Variants in SPP2 observed in about 807,000 individuals in gnomAD.
SPP2 encodes secreted phosphoprotein 24.
Under a neutral mutation model 28.8 loss-of-function variants are expected in SPP2, and 34 were observed. The ratio of observed to expected loss-of-function variants is 1.18; its 90% confidence interval spans 0.90 to 1.57. SPP2 has a LOEUF of 1.57. Ranked by LOEUF, SPP2 falls within the 40% of genes most tolerant of loss-of-function variation. The probability of loss-of-function intolerance (pLI) is 0.00; values close to 1 mark genes in which losing one functional copy is unlikely to be tolerated. For missense variants in SPP2, 269 were observed against 263.9 expected (o/e 1.02, Z -0.13); for synonymous variants, 96 against 89.4 (o/e 1.07, Z -0.42).
intron 7 of SPP2, among the ~76,000 whole-genome samples, chr2:234,072,246 T>C (rs1288919288): frequency 6.6e-6 from 1 of 152,206 alleles, no homozygotes; most frequent in Non-Finnish European, 1.5e-5. Context: ...TGAGGCCTTC[T>C]TGGATGAAAG....
At chr2:234,065,387 G>A (rs1693797015) in intron 4 of SPP2, among the ~76,000 whole-genome samples, 1 of 152,052 alleles carries the variant, frequency 6.6e-6, no homozygotes, top group Non-Finnish European at 1.5e-5. Flanking sequence ...TCAAGCAATT[G>A]TAGTGCCTCA....
intron 2 of SPP2, among the ~76,000 whole-genome samples, chr2:234,052,895 T>C (rs1183960159): frequency 6.6e-6 from 1 of 152,224 alleles, no homozygotes; most frequent in Non-Finnish European, 1.5e-5. Flanking sequence ...ATGTTGTGTG[T>C]ATTAACCATG....
chr2:234,065,224 G>C (rs1023366853), intron 4 of SPP2, among the ~76,000 whole-genome samples: 8 of 152,074 alleles, frequency 5.3e-5, no homozygotes, highest in African/African-American at 1.9e-4. Flanking sequence ...AGTTCTTGTT[G>C]GTGCCTGTCT....
intron 5 of SPP2, 98 bp from the exon 6 acceptor site, chr2:234,067,126 T>A: frequency 8.6e-7 from 1 of 1,164,130 alleles, no homozygotes; most frequent in Non-Finnish European, 1.3e-6. Context: ...TCACTGCTTC[T>A]TTGCTTAAGA....
At chr2:234,068,692 G>C (rs1393570531) in intron 6 of SPP2, among the ~76,000 whole-genome samples, 5 of 146,582 alleles carry the variant, frequency 3.4e-5, no homozygotes, top group Non-Finnish European at 6.0e-5. Context: ...ATTGCCTTCA[G>C]AATCCATGGC....
chr2:234,055,310 A>G (rs1456406188), intron 2 of SPP2, among the ~76,000 whole-genome samples: 1 of 152,242 alleles, frequency 6.6e-6, no homozygotes, highest in Non-Finnish European at 1.5e-5. Flanking sequence ...CTGCTGGCAG[A>G]ATTCCTTTCT....
In SPP2 at chr2:234,059,640, C is replaced by T. The variant is rs555865417; in HGVS notation, c.333+682C>T. On this transcript the variant is annotated intron_variant, in intron 3 of 7. Coordinates refer to ENST00000168148, the MANE Select transcript of SPP2 (RefSeq NM_006944.3). Reference sequence around the variant, plus strand: ...AGACAGTGGATCCCTGTGCCATTACCTCCCAGATCCAGGGCTTACATACTG... The same window carrying T: ...AGACAGTGGATCCCTGTGCCATTACTTCCCAGATCCAGGGCTTACATACTG... 1.9e-3 allele frequency among the ~76,000 whole-genome samples: 293 copies of T among 152,308 alleles called. 2 individuals carry two copies. Among genetic ancestry groups the T allele is most frequent in the African/African-American group, 6.7e-3 (280 of 41,548 alleles).
intron 4 of SPP2, among the ~76,000 whole-genome samples, chr2:234,061,044 G>T (rs748372601): frequency 1.8e-4 from 28 of 152,108 alleles, no homozygotes; most frequent in Non-Finnish European, 4.4e-5. Context: ...CACCTTATAG[G>T]TTGTTGAGAA....
intron 4 of SPP2, among the ~76,000 whole-genome samples, chr2:234,061,719 T>A (rs1023894187): frequency 6.6e-6 from 1 of 152,248 alleles, no homozygotes; most frequent in Non-Finnish European, 1.5e-5. Flanking sequence ...AACTAATGAC[T>A]GAGACACTCC....
intron 2 of SPP2, among the ~76,000 whole-genome samples, chr2:234,056,573 C>T (rs1184883749): frequency 6.6e-6 from 1 of 152,186 alleles, no homozygotes; most frequent in African/African-American, 2.4e-5. Flanking sequence ...CCAAAAAACT[C>T]ACATTTTCAT....
chr2:234,067,949 TA>T (rs1559177475), intron 6 of SPP2, among the ~76,000 whole-genome samples: 1 of 152,136 alleles, frequency 6.6e-6, no homozygotes, highest in Non-Finnish European at 1.5e-5. Context: ...ATTTAATTTT[TA>T]TGGGTACATA....
chr2:234,058,170 C>G (rs948673497), intron 2 of SPP2, among the ~76,000 whole-genome samples: 8 of 152,176 alleles, frequency 5.3e-5, no homozygotes, highest in African/African-American at 1.4e-4. Flanking sequence ...CTGAACAAAG[C>G]TTACCTTACT....
In SPP2 at chr2:234,050,843, T is replaced by A; in HGVS notation, c.57T>A (p.Ala19=). The A allele has an allele frequency of 6.2e-7, 1 of 1,614,090 alleles. No individual in the cohort carries two copies. The highest frequency in any genetic ancestry group is 8.5e-7 in the Non-Finnish European group (1 of 1,179,946). ...TGATGAAGATATTGATTATGTTTGCTCTTGGAATGAACTACTGGTCTTGCT... is the reference window on the plus strand; with the variant it reads ...TGATGAAGATATTGATTATGTTTGCACTTGGAATGAACTACTGGTCTTGCT... ...TMMMKILIMF[A]LGMNYWSCSG... Residue 19 remains alanine, a synonymous_variant, in exon 1 of 8, where the codon GCT becomes GCA. Coordinates refer to ENST00000168148, the MANE Select transcript of SPP2 (RefSeq NM_006944.3).
chr2:234,066,957 C>G (rs529325262), intron 5 of SPP2, among the ~76,000 whole-genome samples: 1 of 152,186 alleles, frequency 6.6e-6, no homozygotes, highest in Admixed American at 6.5e-5. Flanking sequence ...ACAACTAGAT[C>G]TGATCATCTC....
chr2:234,057,497 AC>A (rs1206155276), intron 2 of SPP2, among the ~76,000 whole-genome samples: 1 of 151,850 alleles, frequency 6.6e-6, no homozygotes, highest in East Asian at 1.9e-4. Flanking sequence ...TCCTTCCCTC[AC>A]CCCCATTGCC....
At chr2:234,065,047 C>G (rs556716058) in intron 4 of SPP2, among the ~76,000 whole-genome samples, 1 of 152,188 alleles carries the variant, frequency 6.6e-6, no homozygotes, top group Non-Finnish European at 1.5e-5. Context: ...ATTTAATTCT[C>G]TTGGAAACAG....
chr2:234,051,054 AG>A lies in SPP2; in HGVS notation c.170del (p.Ser57IlefsTer12), dbSNP rs1693483159. The A allele has an allele frequency of 6.2e-7, 1 of 1,613,914 alleles. No individual in the cohort carries two copies. Among genetic ancestry groups the A allele is most frequent in the Non-Finnish European group, 8.5e-7 (1 of 1,179,934 alleles). ...GGTAAAAGTGAATTCCCAGTCACTG[AG>A]TCCGTATCTGTTTCGGGCATTCAGA... The part of the protein sequence containing the change: ...SVVKVNSQSL[S>X]PYLFRAFRSS... On this transcript the variant is annotated frameshift_variant, in exon 2 of 8. Transcript: ENST00000168148. LOFTEE classifies it high-confidence loss of function.
intron 2 of SPP2, among the ~76,000 whole-genome samples, chr2:234,055,782 G>A (rs994457212): frequency 1.3e-5 from 2 of 151,444 alleles, no homozygotes; most frequent in African/African-American, 2.4e-5. Flanking sequence ...GGACAATACT[G>A]TAATACTGAT....
rs115015824 is a variant in SPP2 at position 234,053,993 on chromosome 2, T to C, written c.210+2898T>C. On this transcript the variant is annotated intron_variant, in intron 2 of 7. Coordinates refer to ENST00000168148, the MANE Select transcript of SPP2 (RefSeq NM_006944.3). ...TTAAATAAACCAAATTCATTTCCAATAGTGGAGAGTACCGTAGAGGAGGGT... is the reference window on the plus strand; with the variant it reads ...TTAAATAAACCAAATTCATTTCCAACAGTGGAGAGTACCGTAGAGGAGGGT... Among the ~76,000 whole-genome samples the C allele has an allele frequency of 2.0e-3, 299 of 152,202 alleles. 1 individual carries two copies. Among genetic ancestry groups the C allele is most frequent in the African/African-American group, 6.9e-3 (287 of 41,546 alleles).
Sources: gnomAD v4.1 joint callset for allele counts (sites outside exome capture counted in the v4.1 genomes callset) on GRCh38, gnomAD v4.1.1 for gene constraint, MANE v1.5 for transcripts, NCBI Gene and HGNC (gene_info 2026-07-23, HGNC 2026-07-21) for gene names.